The following TMEM245 variants were observed in gnomAD, a reference collection of about 807,000 sequenced individuals.
TMEM245 encodes protein CG-2.
Under a neutral mutation model 101.2 loss-of-function variants are expected in TMEM245, and 69 were observed. That is an observed-to-expected ratio of 0.68 (90% CI 0.56 to 0.83). The LOEUF is 0.83. TMEM245 is among the 40% of genes least tolerant of loss of function. TMEM245 has a pLI of 0.00. For synonymous variants in TMEM245, 537 were observed against 449.8 expected (o/e 1.19, Z -2.45); for missense variants, 1,075 against 1,092.8 (o/e 0.98, Z 0.23).
At position 109,056,358 on chromosome 9, in the gene TMEM245, C is replaced by T. The variant is rs1425316710; in HGVS notation, c.1854+833G>A. Among the ~76,000 whole-genome samples, 5 of 149,288 alleles carry T rather than the reference C, an allele frequency of 3.3e-5. No individual in the cohort carries two copies. The South Asian group carries it at 8.5e-4, about 25-fold the overall frequency. On this transcript the variant is annotated intron_variant, in intron 12 of 17. Transcript: ENST00000374586. ...CCTATAATCCCAGCACTTTGGGAGG[C>T]CGAGGCAGGCAGATCACTTGAGGTC...
chr9:109,025,654 TTAG>T (rs771226579), intron 17 of TMEM245, among the ~76,000 whole-genome samples: 5 of 152,280 alleles, frequency 3.3e-5, no homozygotes, highest in Non-Finnish European at 5.9e-5. Context: ...TGCTCAATTT[TTAG>T]TAGAAGTGAA....
Position 109,119,325 on chromosome 9 carries a change from G to A in TMEM245, c.579+10C>T, listed in dbSNP as rs1455411033. The A allele has an allele frequency of 8.5e-6, 13 of 1,523,046 alleles. No individual in the cohort carries two copies. The highest frequency in any genetic ancestry group is 9.7e-6 in the Non-Finnish European group (11 of 1,139,888). The allele number at this position is 1,523,046 out of a possible 1,614,324, so 94.3% of individuals were successfully genotyped here. On this transcript the variant is annotated intron_variant, in intron 1 of 17. Coordinates refer to ENST00000374586, the MANE Select transcript of TMEM245 (RefSeq NM_032012.4). Reference sequence around the variant, plus strand: ...GGGCGGGGGACGGGGGCGGACTGCCGCTCACTCACCCACAGGCTGCTGAAG... The same window carrying A: ...GGGCGGGGGACGGGGGCGGACTGCCACTCACTCACCCACAGGCTGCTGAAG...
intron 3 of TMEM245, among the ~76,000 whole-genome samples, chr9:109,101,885 C>T (rs1362789223): frequency 6.6e-6 from 1 of 152,316 alleles, no homozygotes; most frequent in East Asian, 1.9e-4. Context: ...GTTTTCTAGG[C>T]TGCTGTCATG....
At chr9:109,027,534 T>C (rs75080484) in intron 17 of TMEM245, among the ~76,000 whole-genome samples, 8,822 of 152,200 alleles carry the variant, frequency 0.058, 428 homozygotes, top group East Asian at 0.17. Context: ...GCCAGGAGAT[T>C]AGAAGCTCTT....
chr9:109,032,745 T>C (rs1391126734), intron 17 of TMEM245, among the ~76,000 whole-genome samples: 1 of 151,626 alleles, frequency 6.6e-6, no homozygotes, highest in Non-Finnish European at 1.5e-5. Context: ...CCGCATAGAA[T>C]TAGATTTTTT....
rs765089224 is a variant in TMEM245, at chr9:109,085,874, A to G, written c.1344+123T>C. ...CATGCTTCACAACCTTCCATAGCTT[A>G]TAATTAAAACTTTGAAAACAAAAAC... On this transcript the variant is annotated intron_variant, in intron 7 of 17. Coordinates refer to ENST00000374586, the MANE Select transcript of TMEM245 (RefSeq NM_032012.4). The G allele has an allele frequency of 1.9e-5, 20 of 1,066,648 alleles. No individual in the cohort carries two copies. In the East Asian group the frequency reaches 3.3e-4, roughly 17 times the overall value. The allele number at this position is 1,066,648 out of a possible 1,614,324, so 66.1% of individuals were successfully genotyped here.
intron 8 of TMEM245, among the ~76,000 whole-genome samples, chr9:109,077,965 T>C (rs1195922730): frequency 2.0e-5 from 3 of 152,220 alleles, no homozygotes; most frequent in Non-Finnish European, 4.4e-5. Flanking sequence ...AGCTTTCTAT[T>C]TGTCCCATCT....
At chr9:109,092,066 A>G (rs984095747) in intron 4 of TMEM245, among the ~76,000 whole-genome samples, 7 of 152,018 alleles carry the variant, frequency 4.6e-5, no homozygotes, top group Admixed American at 1.3e-4. Flanking sequence ...CCAACCTCAC[A>G]TTTTCCCCCT....
intron 12 of TMEM245, among the ~76,000 whole-genome samples, chr9:109,056,237 C>G (rs767708082): frequency 6.6e-6 from 1 of 152,058 alleles, no homozygotes; most frequent in South Asian, 2.1e-4. Flanking sequence ...CAGGGCACTG[C>G]TGTTTATTAA....
At chr9:109,029,735 G>A (rs995561842) in intron 17 of TMEM245, among the ~76,000 whole-genome samples, 5 of 152,186 alleles carry the variant, frequency 3.3e-5, no homozygotes, top group East Asian at 1.9e-4. Flanking sequence ...CAAGGTGACC[G>A]CTGAACAGCA....
chr9:109,086,273 A>G (rs1356802085), intron 6 of TMEM245, among the ~76,000 whole-genome samples: 1 of 152,228 alleles, frequency 6.6e-6, no homozygotes, highest in East Asian at 1.9e-4. Flanking sequence ...TTAAAAATAC[A>G]TAAAATAACC....
chr9:109,022,565 TC>T (rs1399601837), intron 17 of TMEM245, among the ~76,000 whole-genome samples: 7 of 152,064 alleles, frequency 4.6e-5, no homozygotes, highest in Admixed American at 2.6e-4. Flanking sequence ...TTTTGCAGCA[TC>T]CCCGGCCTCT....
Position 109,091,095 on chromosome 9 carries a change from G to C in TMEM245, c.977C>G (p.Pro326Arg), listed in dbSNP as rs199515741. 9 of 1,613,910 alleles carry C rather than the reference G, an allele frequency of 5.6e-6. No homozygotes were observed. The African/African-American group carries it at 1.2e-4, about 22-fold the overall frequency. ...AGTAGGTGAAGGGGAAGTGGGTGAA[G>C]GGGAGGAGGGTGAAGGGGAGGTGGA... is the stretch of plus-strand genomic sequence containing the variant. ...TLSTSPSPSS[P>R]SPTSPSPTLG... Residue 326 changes from proline to arginine, a missense_variant, in exon 5 of 18, where the codon CCT (proline) becomes CGT (arginine). By Grantham distance (103) the Pro-to-Arg change is moderately radical (BLOSUM62 -2). Coordinates refer to ENST00000374586, the MANE Select transcript of TMEM245 (RefSeq NM_032012.4).
chr9:109,099,930 T>C (rs1294061737), intron 3 of TMEM245, among the ~76,000 whole-genome samples: 1 of 152,200 alleles, frequency 6.6e-6, no homozygotes, highest in East Asian at 1.9e-4. Flanking sequence ...TGCTCGCCCT[T>C]GTACCACGTG....
chr9:109,029,192 G>C (rs1295441492), intron 17 of TMEM245, among the ~76,000 whole-genome samples: 1 of 152,174 alleles, frequency 6.6e-6, no homozygotes, highest in South Asian at 2.1e-4. Context: ...AGTGAAAAAA[G>C]AGAGAAAGGA....
intron 1 of TMEM245, among the ~76,000 whole-genome samples, chr9:109,116,755 TG>T (rs1156392947): frequency 6.6e-6 from 1 of 152,072 alleles, no homozygotes; most frequent in Non-Finnish European, 1.5e-5. Flanking sequence ...CTCGAACTCC[TG>T]GCCTCAAGTG....
intron 17 of TMEM245, among the ~76,000 whole-genome samples, chr9:109,032,802 T>C (rs912105790): frequency 6.9e-6 from 1 of 144,282 alleles, no homozygotes; most frequent in African/African-American, 2.5e-5. Context: ...TCACCCAATA[T>C]AGGTCTTTTT....
chr9:109,091,263 A>AT, intron 4 of TMEM245, 108 bp from the exon 5 acceptor site: 1 of 933,436 alleles, frequency 1.1e-6, no homozygotes, highest in East Asian at 2.6e-5. Flanking sequence ...AAATGTGCTG[A>AT]TATGGTATGA....
chr9:109,029,410 TAAC>T (rs1261619823), intron 17 of TMEM245, among the ~76,000 whole-genome samples: 3 of 152,112 alleles, frequency 2.0e-5, no homozygotes, highest in Non-Finnish European at 4.4e-5. Context: ...ACAGTCAAAT[TAAC>T]AAGAATAAAT....
Sources: allele counts gnomAD v4.1 joint callset (sites outside exome capture counted in the v4.1 genomes callset), GRCh38; gene constraint gnomAD v4.1.1; transcripts MANE v1.5; gene names NCBI Gene and HGNC (gene_info 2026-07-23, HGNC 2026-07-21).